The following AKAP9 variants were observed in gnomAD, a reference collection of about 807,000 sequenced individuals.
AKAP9 encodes the protein A-kinase anchor protein 9.
Under a neutral mutation model 488.5 loss-of-function variants are expected in AKAP9, and 311 were observed. That is an observed-to-expected ratio of 0.64 (90% CI 0.58 to 0.70). The LOEUF is 0.70. Ranked by LOEUF, AKAP9 falls within the 30% of genes least tolerant of loss-of-function variation. The probability of loss-of-function intolerance (pLI) is 0.00; values close to 1 mark genes in which losing one functional copy is unlikely to be tolerated. For missense variants in AKAP9, 4,215 were observed against 4,374.5 expected, an observed-to-expected ratio of 0.96 and a Z score of 1.03; for synonymous variants, 1,462 against 1,483.5, an observed-to-expected ratio of 0.99 and a Z score of 0.33.
At chr7:92,042,287 G>T (rs1806255189) in intron 19 of AKAP9, 101 bp downstream of exon 19, 1 of 1,487,976 alleles carries the variant, frequency 6.7e-7, no homozygotes, top group Non-Finnish European at 9.3e-7. Context: ...TATAGGTACT[G>T]AGCTTAACAT....
At chr7:92,030,059 G>C (rs371146080) in intron 15 of AKAP9, 68 bp downstream of exon 15, 16 of 1,081,700 alleles carry the variant, frequency 1.5e-5, no homozygotes, top group East Asian at 5.2e-5. Context: ...TTTTATGTCT[G>C]GTTTACTATC....
chr7:92,058,498 G>C (rs1278985348), intron 22 of AKAP9: 1 of 379,058 alleles, frequency 2.6e-6, no homozygotes, highest in African/African-American at 2.1e-5. Context: ...AAATGGGATA[G>C]AACCTTGTTT....
At chr7:92,095,242 T>C in intron 40 of AKAP9, 69 bp downstream of exon 40, 1 of 1,569,836 alleles carries the variant, frequency 6.4e-7, no homozygotes, top group Non-Finnish European at 8.7e-7. Flanking sequence ...AAGGCTTTCC[T>C]CCATCTAAAA....
chr7:92,059,843 A>C (rs891073868), intron 22 of AKAP9, among the ~76,000 whole-genome samples: 2 of 151,896 alleles, frequency 1.3e-5, no homozygotes, highest in East Asian at 1.9e-4. Context: ...TTAGTTATCC[A>C]GACTTTAAAG....
chr7:92,052,452 G>C (rs996885535), intron 21 of AKAP9, among the ~76,000 whole-genome samples: 3 of 147,126 alleles, frequency 2.0e-5, no homozygotes, highest in Non-Finnish European at 4.5e-5. Flanking sequence ...CTGTTGAAAG[G>C]TATCTTAGAA....
chr7:91,992,690 A>G (rs917656949), intron 4 of AKAP9, among the ~76,000 whole-genome samples, 195 bp from the exon 5 acceptor site: 5 of 151,340 alleles, frequency 3.3e-5, no homozygotes, highest in South Asian at 2.1e-4. Context: ...AAAAAACTCA[A>G]TTGTAACAGA....
intron 22 of AKAP9, among the ~76,000 whole-genome samples, 197 bp from the exon 23 acceptor site, chr7:92,061,063 C>T (rs1450462905): frequency 1.3e-5 from 2 of 152,130 alleles, no homozygotes; most frequent in African/African-American, 2.4e-5. Flanking sequence ...TACAGAAAGT[C>T]GTGCACAGCC....
At chr7:92,084,557 C>A in intron 33 of AKAP9, 83 bp from the exon 34 acceptor site, 1 of 994,172 alleles carries the variant, frequency 1.0e-6, no homozygotes, top group East Asian at 2.6e-5. Flanking sequence ...TTGATTACAG[C>A]ACGGGAAACC....
chr7:92,002,610 A>C lies in AKAP9; in HGVS notation c.2693A>C (p.Glu898Ala), dbSNP rs752538289. The change falls in exon 8 of 50, where the codon GAA (glutamate) becomes GCA (alanine). Residue 898 changes from glutamate to alanine, a missense_variant. This residue lies in a region of AKAP9 where 2,361 missense variants were observed against 2,430.0 expected (regional missense o/e 0.97). Transcript: ENST00000356239. ...AAAAGTAAACTTAAAGCACTTAATG[A>C]AGAGCTTCATTTGCAAAGAATAAAT... ...EYKSKLKALN[E>A]ELHLQRINPT... 1 of 1,611,892 alleles carries C rather than the reference A, an allele frequency of 6.2e-7. No homozygotes were observed. Among genetic ancestry groups the C allele is most frequent in the Non-Finnish European group, 8.5e-7 (1 of 1,178,990 alleles).
intron 1 of AKAP9, among the ~76,000 whole-genome samples, chr7:91,954,175 CTGT>C (rs1792647119): frequency 6.6e-6 from 1 of 152,194 alleles, no homozygotes; most frequent in African/African-American, 2.4e-5. Flanking sequence ...TTATACTCCT[CTGT>C]TTGTAGATCA....
intron 46 of AKAP9, among the ~76,000 whole-genome samples, chr7:92,103,050 G>A (rs1315818667): frequency 2.0e-5 from 3 of 152,106 alleles, no homozygotes; most frequent in African/African-American, 4.8e-5. Context: ...CTAGGTCCAG[G>A]CAGCTGGTGA....
intron 3 of AKAP9, among the ~76,000 whole-genome samples, chr7:91,990,142 C>A (rs922641475): frequency 6.6e-6 from 1 of 151,930 alleles, no homozygotes; most frequent in Admixed American, 6.6e-5. Flanking sequence ...TCAACAAATG[C>A]CACAATAAAA....
chr7:91,994,898 A>G, intron 6 of AKAP9, 122 bp downstream of exon 6: 1 of 810,182 alleles, frequency 1.2e-6, no homozygotes, highest in Non-Finnish European at 2.0e-6. Context: ...TGTATGAAAA[A>G]TTAGTGAATA....
At position 91,995,811 on chromosome 7, in the gene AKAP9, TTTA is replaced by T. The variant is rs775448033; in HGVS notation, c.930+12_930+14del. On this transcript the variant is annotated intron_variant, in intron 7 of 49. Coordinates refer to ENST00000356239, the MANE Select transcript of AKAP9 (RefSeq NM_005751.5). Reference sequence around the variant, plus strand: ...AAAGTATATGAAATGGTATGTTTATTTTAAGGAAGTCAGCTAACTTGTAGAAGC... The same window carrying T: ...AAAGTATATGAAATGGTATGTTTATTAGGAAGTCAGCTAACTTGTAGAAGC... 7.6e-6 allele frequency: 12 copies of T among 1,586,046 alleles called. No individual in the cohort carries two copies. In the South Asian group the frequency reaches 1.1e-4, roughly 15 times the overall value.
intron 35 of AKAP9, 37 bp downstream of exon 35, chr7:92,084,977 G>A (rs1246527279): frequency 1.9e-5 from 30 of 1,606,432 alleles, no homozygotes; most frequent in Middle Eastern, 1.7e-4. Context: ...AACTCAGCCA[G>A]TGTTGTTTCT....
rs193043966 is a variant in AKAP9 at position 92,039,868 on chromosome 7, G to T, written c.4693-806G>T. ...TACATGCCTGTAATCCCAGCTACTTGGGAGGCTGAGGCAGAGGAATCACTT... is the reference window on the plus strand; with the variant it reads ...TACATGCCTGTAATCCCAGCTACTTTGGAGGCTGAGGCAGAGGAATCACTT... On this transcript the variant is annotated intron_variant, in intron 17 of 49. Coordinates refer to ENST00000356239, the MANE Select transcript of AKAP9 (RefSeq NM_005751.5). Among the ~76,000 whole-genome samples the T allele has an allele frequency of 2.2e-3, 336 of 151,980 alleles. 1 individual carries two copies. The highest frequency in any genetic ancestry group is 7.6e-3 in the African/African-American group (314 of 41,428).
intron 34 of AKAP9, 41 bp from the exon 35 acceptor site, chr7:92,084,778 A>T: frequency 1.6e-6 from 2 of 1,252,076 alleles, no homozygotes; most frequent in Admixed American, 2.0e-5. Flanking sequence ...CTGGGGTTTG[A>T]TTTTTTTTTT....
intron 7 of AKAP9, 129 bp from the exon 8 acceptor site, chr7:92,000,719 C>T (rs1799045937): frequency 3.6e-6 from 2 of 552,748 alleles, no homozygotes; most frequent in Non-Finnish European, 6.2e-6. Flanking sequence ...AGGGGCAGGA[C>T]CAACATTTAC....
chr7:92,005,334 A>G (rs1452929694), intron 8 of AKAP9, among the ~76,000 whole-genome samples: 1 of 152,212 alleles, frequency 6.6e-6, no homozygotes, highest in East Asian at 1.9e-4. Flanking sequence ...AGGAATTGAC[A>G]TTTGAGCTGA....
Sources: allele counts gnomAD v4.1 joint callset (sites outside exome capture counted in the v4.1 genomes callset), GRCh38; gene constraint gnomAD v4.1.1; regional missense constraint gnomAD v4.1.1; transcripts MANE v1.5; gene names NCBI Gene and HGNC (gene_info 2026-07-23, HGNC 2026-07-21).